Variants in MYO18B observed in about 807,000 individuals in gnomAD.
MYO18B encodes myosin XVIIIB.
In MYO18B, 204 loss-of-function variants were observed where a neutral mutation model predicts 273.0. The observed-to-expected ratio is 0.75, with a 90% CI of 0.67 to 0.84. The LOEUF is 0.84. Among genes scored for constraint, MYO18B ranks in the 40% least tolerant of loss-of-function variants. The pLI is 0.00. For synonymous variants in MYO18B, 1,330 were observed against 1,305.7 expected (o/e 1.02, Z -0.40); for missense variants, 3,212 against 3,287.6 (o/e 0.98, Z 0.56).
At chr22:25,939,710 A>C (rs1410119592) in intron 34 of MYO18B, among the ~76,000 whole-genome samples, 1 of 152,220 alleles carries the variant, frequency 6.6e-6, no homozygotes. Context: ...GATGCTGGGC[A>C]TGTACCATAC....
intron 14 of MYO18B, 70 bp from the exon 15 acceptor site, chr22:25,828,706 G>T: frequency 1.4e-6 from 2 of 1,466,746 alleles, no homozygotes; most frequent in East Asian, 2.3e-5. Context: ...AGTTCTGCTG[G>T]AGGCTTGGAT....
intron 14 of MYO18B, 24 bp downstream of exon 14, chr22:25,826,523 C>A (rs767259577): frequency 1.3e-6 from 2 of 1,597,746 alleles, no homozygotes; most frequent in Non-Finnish European, 8.6e-7. Flanking sequence ...TTCCTAGGCA[C>A]ACAGTTGGCC....
In MYO18B at chr22:25,768,445, C is replaced by G. The variant is rs374203426; in HGVS notation, c.529C>G (p.Pro177Ala). ...PEKTHPHDAP[P>A]CKTSPPATDT... ...GAAGACTCATCCCCATGACGCCCCC[C>G]CTTGCAAGACCTCTCCCCCCGCCAC... The change falls in exon 4 of 44, where the codon CCT becomes GCT. Residue 177 changes from proline to alanine, a missense_variant. Coordinates refer to ENST00000335473, the MANE Select transcript of MYO18B (RefSeq NM_032608.7). The G allele has an allele frequency of 2.0e-5, 27 of 1,333,614 alleles. No individual in the cohort carries two copies. Among genetic ancestry groups the G allele is most frequent in the Admixed American group, 1.0e-4 (6 of 59,292 alleles). 82.6% of individuals were successfully genotyped at this position (1,333,614 alleles called of 1,614,324 possible).
intron 11 of MYO18B, among the ~76,000 whole-genome samples, chr22:25,788,073 G>GA (rs1236074338): frequency 6.6e-6 from 1 of 152,210 alleles, no homozygotes; most frequent in African/African-American, 2.4e-5. Context: ...AGAAGCATTT[G>GA]AAGTGGTTTG....
chr22:26,024,483 A>G (rs551060932), intron 42 of MYO18B, among the ~76,000 whole-genome samples: 12 of 152,304 alleles, frequency 7.9e-5, no homozygotes, highest in African/African-American at 2.9e-4. Flanking sequence ...GCCTGATCAC[A>G]CAGGAGAAGG....
chr22:25,859,357 G>A (rs1169677315), intron 21 of MYO18B, among the ~76,000 whole-genome samples: 1 of 152,168 alleles, frequency 6.6e-6, no homozygotes, highest in Non-Finnish European at 1.5e-5. Context: ...ACAGAAACAT[G>A]TTTCTACTTT....
At chr22:25,873,942 C>T (rs903479938) in intron 22 of MYO18B, among the ~76,000 whole-genome samples, 12 of 152,326 alleles carry the variant, frequency 7.9e-5, no homozygotes, top group African/African-American at 9.6e-5. Context: ...CTCAAAGGAA[C>T]GTGCACAGGA....
chr22:25,938,176 A>T (rs1199694202), intron 34 of MYO18B, among the ~76,000 whole-genome samples: 1 of 152,034 alleles, frequency 6.6e-6, no homozygotes, highest in African/African-American at 2.4e-5. Context: ...AAAGACTGGA[A>T]TTTTTCCTCT....
chr22:25,833,212 C>CA (rs1319702654), intron 16 of MYO18B, among the ~76,000 whole-genome samples: 1 of 152,202 alleles, frequency 6.6e-6, no homozygotes, highest in Non-Finnish European at 1.5e-5. Flanking sequence ...TAAGCATCAT[C>CA]AGGTTGAGAA....
chr22:25,832,377 G>A (rs1162596224), intron 15 of MYO18B, among the ~76,000 whole-genome samples: 1 of 152,044 alleles, frequency 6.6e-6, no homozygotes, highest in Admixed American at 6.6e-5. Flanking sequence ...GACAGGCGAT[G>A]GACAAGCAAA....
At position 25,927,210 on chromosome 22, in the gene MYO18B, C is replaced by T. The variant is rs57880708; in HGVS notation, c.5517+5801C>T. Among the ~76,000 whole-genome samples, 990 of 152,322 alleles carry T rather than the reference C, an allele frequency of 6.5e-3. 10 individuals carry two copies. The highest frequency in any genetic ancestry group is 0.023 in the African/African-American group (946 of 41,566). ...AGGGAATAAGAGAGATAACCTTAAA[C>T]TCTGACTGCCGGTGAGCCGGGCGGA... On this transcript the variant is annotated intron_variant, in intron 34 of 43. Coordinates refer to ENST00000335473, the MANE Select transcript of MYO18B (RefSeq NM_032608.7).
At chr22:25,910,648 G>T (rs2092137615) in intron 32 of MYO18B, among the ~76,000 whole-genome samples, 1 of 152,184 alleles carries the variant, frequency 6.6e-6, no homozygotes, top group African/African-American at 2.4e-5. Flanking sequence ...ATATTCAGCA[G>T]TGGCCATGGC....
chr22:25,927,662 G>A (rs141767042), intron 34 of MYO18B, among the ~76,000 whole-genome samples: 324 of 152,072 alleles, frequency 2.1e-3, no homozygotes, highest in African/African-American at 7.4e-3. Context: ...ACACCTATTC[G>A]CGTACTCCCT....
intron 31 of MYO18B, among the ~76,000 whole-genome samples, chr22:25,905,254 T>C (rs1379381056): frequency 6.6e-6 from 1 of 152,104 alleles, no homozygotes; most frequent in African/African-American, 2.4e-5. Flanking sequence ...TCAAGACATG[T>C]GGGTGGTGGG....
intron 42 of MYO18B, among the ~76,000 whole-genome samples, chr22:26,008,036 A>G (rs939630291): frequency 6.6e-6 from 1 of 152,164 alleles, no homozygotes; most frequent in African/African-American, 2.4e-5. Context: ...TAAAAACATA[A>G]ATTATATAAT....
chr22:25,914,232 G>A (rs1037002231), intron 33 of MYO18B, among the ~76,000 whole-genome samples: 1 of 151,712 alleles, frequency 6.6e-6, no homozygotes. Flanking sequence ...TTTTAAAATT[G>A]CCTGTTTTAT....
chr22:25,947,533 C>T (rs940442497), intron 35 of MYO18B, among the ~76,000 whole-genome samples, 179 bp from the exon 36 acceptor site: 2 of 145,386 alleles, frequency 1.4e-5, no homozygotes, highest in East Asian at 3.9e-4. Flanking sequence ...CACACACACA[C>T]ACACACACAC....
intron 21 of MYO18B, among the ~76,000 whole-genome samples, chr22:25,854,777 C>T (rs2090519802): frequency 6.6e-6 from 1 of 152,212 alleles, no homozygotes; most frequent in Non-Finnish European, 1.5e-5. Context: ...TATGTCCTTT[C>T]ATGACTGGTT....
chr22:25,757,494 G>A (rs749775890), intron 1 of MYO18B, among the ~76,000 whole-genome samples: 12 of 152,192 alleles, frequency 7.9e-5, no homozygotes, highest in Non-Finnish European at 1.3e-4. Flanking sequence ...GGCTGAGGCA[G>A]GAGAATTGCT....
Sources: gnomAD v4.1 joint callset for allele counts (sites outside exome capture counted in the v4.1 genomes callset) on GRCh38, gnomAD v4.1.1 for gene constraint, MANE v1.5 for transcripts, NCBI Gene and HGNC (gene_info 2026-07-23, HGNC 2026-07-21) for gene names.